Variants in PGK1 observed in about 807,000 individuals in gnomAD.
PGK1 encodes phosphoglycerate kinase 1.
Under a neutral mutation model 26.9 loss-of-function variants are expected in PGK1, and 3 were observed. The ratio of observed to expected loss-of-function variants is 0.11; its 90% CI spans 0.05 to 0.29. The LOEUF (loss-of-function observed/expected upper bound fraction) is 0.29, where lower values mean the gene tolerates loss of function less well. Among genes scored for constraint, PGK1 ranks in the 10% least tolerant of loss-of-function variants. The pLI is 1.00. For missense variants in PGK1, 270 were observed against 314.7 expected (o/e 0.86, Z 1.07); for synonymous variants, 125 against 115.3 (o/e 1.08, Z -0.54).
chrX:78,104,278 C>T lies in PGK1; in HGVS notation c.-63C>T, dbSNP rs781839448. 18 of 861,650 alleles carry T rather than the reference C, an allele frequency of 2.1e-5. No homozygotes were observed. The Admixed American group carries it at 2.7e-4, about 13-fold the overall frequency. The allele number at this position is 861,650 out of a possible 1,213,427, so 71.0% of individuals were successfully genotyped here. A position where few individuals can be genotyped will look rare whatever the true frequency, so the allele number is the denominator to read the frequency against. On this transcript the variant is annotated 5_prime_UTR_variant, in exon 1 of 11. In the 5' UTR this introduces an upstream ATG that the reference lacks. Coordinates refer to ENST00000373316, the MANE Select transcript of PGK1 (RefSeq NM_000291.4). ...GCATTCTGCAAGCCTCCGGAGCGCA[C>T]GTCGGCAGTCGGCTCCCTCGTTGAC... is the stretch of plus-strand genomic sequence containing the variant.
Position 78,124,732 on chromosome X carries a change from G to T in PGK1, c.937-142G>T, listed in dbSNP as rs1177622047. 3 of 531,610 alleles carry T rather than the reference G, an allele frequency of 5.6e-6. No homozygotes were observed. In the African/African-American group the frequency reaches 6.8e-5, roughly 12 times the overall value. The allele number at this position is 531,610 out of a possible 1,213,427, so 43.8% of individuals were successfully genotyped here. ...TAGAATTTTTGAGTATAAAGGGCAT[G>T]AACAGGTTTATAAAGACTGAAGGGT... is the stretch of plus-strand genomic sequence containing the variant. On this transcript the variant is annotated intron_variant, in intron 8 of 10. Transcript: ENST00000373316.
chrX:78,110,700 A>G (rs1557246803), intron 2 of PGK1, among the ~76,000 whole-genome samples: 2 of 110,900 alleles, frequency 1.8e-5, no homozygotes. Flanking sequence ...TAAAAGTACC[A>G]GTAGTTACTA....
rs1569550805 is a variant in PGK1, at chrX:78,114,044, G to T, written c.301G>T (p.Gly101Cys). The change falls in exon 4 of 11, where the codon GGC becomes TGC. Residue 101 changes from glycine to cysteine, a missense_variant. Gly to Cys is a radical substitution (Grantham distance 159). Transcript: ENST00000373316. ...KDVLFLKDCV[G>C]PEVEKACANP... ...TGTTCTGTTCTTGAAGGACTGTGTA[G>T]GCCCAGAAGTGGAGAAAGCCTGTGC... 8.3e-7 allele frequency: 1 copy of T among 1,210,903 alleles called. No individual in the cohort carries two copies. The highest frequency in any genetic ancestry group is 1.1e-6 in the Non-Finnish European group (1 of 894,867).
In PGK1 at chrX:78,126,273, A is replaced by AT. The variant is rs375714288; in HGVS notation, c.*456dup. 1,236 of 121,433 alleles carry AT rather than the reference A, an allele frequency of 0.01. 1 individual carries two copies. Among genetic ancestry groups the AT allele is most frequent in the East Asian group, 0.021 (101 of 4,890 alleles). The allele number at this position is 121,433 out of a possible 1,213,427, so 10.0% of individuals were successfully genotyped here. A position where few individuals can be genotyped will look rare whatever the true frequency, so the allele number is the denominator to read the frequency against. On this transcript the variant is annotated 3_prime_UTR_variant, in exon 11 of 11. Coordinates refer to ENST00000373316, the MANE Select transcript of PGK1 (RefSeq NM_000291.4). Reference sequence around the variant, plus strand: ...AATAAAAGTGTCCATTGAAACCGTGATTTTTTTTTTTTTCCTGTCATACTT... The same window carrying AT: ...AATAAAAGTGTCCATTGAAACCGTGATTTTTTTTTTTTTTCCTGTCATACTT...
At chrX:78,118,677 T>C (rs947923500) in intron 6 of PGK1, among the ~76,000 whole-genome samples, 14 of 111,084 alleles carry the variant, frequency 1.3e-4, no homozygotes, top group Admixed American at 3.8e-4. Context: ...AGTACAGTAA[T>C]TTGGGGCTAC....
chrX:78,123,486 T>C, intron 8 of PGK1, 112 bp downstream of exon 8: 2 of 606,506 alleles, frequency 3.3e-6, no homozygotes, highest in Non-Finnish European at 5.5e-6. Context: ...ATAGGAGATC[T>C]GTCAGAGAGG....
At position 78,104,295 on chromosome X, in the gene PGK1, C is replaced by T; in HGVS notation, c.-46C>T. The T allele has an allele frequency of 9.8e-7, 1 of 1,018,825 alleles. No homozygotes were observed. The allele number at this position is 1,018,825 out of a possible 1,213,427, so 84.0% of individuals were successfully genotyped here. On this transcript the variant is annotated 5_prime_UTR_variant, in exon 1 of 11. Coordinates refer to ENST00000373316, the MANE Select transcript of PGK1 (RefSeq NM_000291.4). The stretch of plus-strand genomic sequence containing the variant: ...GGAGCGCACGTCGGCAGTCGGCTCC[C>T]TCGTTGACCGAATCACCGACCTCTC...
chrX:78,122,516 C>T (rs1557248139), intron 6 of PGK1, among the ~76,000 whole-genome samples: 2 of 106,388 alleles, frequency 1.9e-5, no homozygotes, highest in Non-Finnish European at 3.9e-5. Flanking sequence ...GTCTTCTGAG[C>T]CCTGCTTAAA....
intron 8 of PGK1, among the ~76,000 whole-genome samples, chrX:78,124,612 A>G (rs1245640257): frequency 1.8e-5 from 2 of 112,040 alleles, no homozygotes; most frequent in Admixed American, 9.5e-5. Context: ...GTTGAGAACC[A>G]TTGATCTAGT....
At chrX:78,122,347 C>T (rs2078359183) in intron 6 of PGK1, among the ~76,000 whole-genome samples, 1 of 109,968 alleles carries the variant, frequency 9.1e-6, no homozygotes, top group African/African-American at 3.3e-5. Flanking sequence ...TTCTGAGTGG[C>T]TCTGGGATCC....
intron 8 of PGK1, among the ~76,000 whole-genome samples, chrX:78,123,641 G>T (rs782661407): frequency 2.9e-5 from 3 of 102,550 alleles, no homozygotes; most frequent in Non-Finnish European, 5.9e-5. Context: ...ACAGAGTCTC[G>T]CTGTGTCACC....
intron 1 of PGK1, among the ~76,000 whole-genome samples, chrX:78,105,358 T>C (rs1297515889): frequency 8.9e-6 from 1 of 112,034 alleles, no homozygotes; most frequent in East Asian, 2.8e-4. Context: ...ACTGATGGAC[T>C]TGACTGTTCA....
chrX:78,104,674 C>T (rs782671899), intron 1 of PGK1, among the ~76,000 whole-genome samples: 1 of 111,231 alleles, frequency 9.0e-6, no homozygotes, highest in African/African-American at 3.3e-5. Flanking sequence ...GTCCTTTTTC[C>T]TATTGGTGAA....
chrX:78,122,194 T>C (rs2078358431), intron 6 of PGK1, among the ~76,000 whole-genome samples: 2 of 110,150 alleles, frequency 1.8e-5, no homozygotes, highest in Admixed American at 1.9e-4. Context: ...GGCAACAGAG[T>C]GAGACTTTGT....
At position 78,114,034 on chromosome X, in the gene PGK1, G is replaced by A; in HGVS notation, c.291G>A (p.Lys97=). The A allele has an allele frequency of 8.3e-7, 1 of 1,210,884 alleles. No homozygotes were observed. Among genetic ancestry groups the A allele is most frequent in the Non-Finnish European group, 1.1e-6 (1 of 894,912 alleles). ...TTCTCAGGGATGTTCTGTTCTTGAA[G>A]GACTGTGTAGGCCCAGAAGTGGAGA... is the stretch of plus-strand genomic sequence containing the variant. The part of the protein sequence containing the change: ...SLLGKDVLFL[K]DCVGPEVEKA... Residue 97 remains lysine (K), a synonymous_variant, in exon 4 of 11, where the codon AAG becomes AAA. Transcript: ENST00000373316.
chrX:78,104,704 A>G (rs1310757658), intron 1 of PGK1, among the ~76,000 whole-genome samples: 1 of 111,278 alleles, frequency 9.0e-6, no homozygotes, highest in Admixed American at 9.5e-5. Flanking sequence ...CGTTGCCTCC[A>G]GCTCCCAGTC....
intron 6 of PGK1, among the ~76,000 whole-genome samples, chrX:78,120,358 C>T (rs868995405): frequency 7.3e-5 from 8 of 109,347 alleles, no homozygotes; most frequent in African/African-American, 2.0e-4. Flanking sequence ...CATATATATA[C>T]ACACACACAC....
In PGK1 at chrX:78,122,081, G is replaced by A. The variant is rs181256705; in HGVS notation, c.642-754G>A. Among the ~76,000 whole-genome samples, 92 of 110,744 alleles carry A rather than the reference G, an allele frequency of 8.3e-4. 1 individual carries two copies. The highest frequency in any genetic ancestry group is 3.0e-3 in the African/African-American group (92 of 30,460). Reference sequence around the variant, plus strand: ...AAATTATCCAGGGGTAGTGTTGTACGCCTGTGGTCGCAGCTACTTGAGAGG... The same window carrying A: ...AAATTATCCAGGGGTAGTGTTGTACACCTGTGGTCGCAGCTACTTGAGAGG... On this transcript the variant is annotated intron_variant, in intron 6 of 10. Transcript: ENST00000373316.
At position 78,125,206 on chromosome X, in the gene PGK1, T is replaced by TA. The variant is rs1311139786; in HGVS notation, c.1115-120dup. On this transcript the variant is annotated intron_variant, in intron 9 of 10. Transcript: ENST00000373316. The stretch of plus-strand genomic sequence containing the variant: ...TTTACAGAGGAGCCTCTTGGTAAGA[T>TA]AGAGTTGGGGGTTTATCAGCTACCT... 14 of 716,298 alleles carry TA rather than the reference T, an allele frequency of 2.0e-5. No individual in the cohort carries two copies. The Admixed American group carries it at 2.3e-4, about 12-fold the overall frequency. 59.0% of individuals were successfully genotyped at this position (716,298 alleles called of 1,213,427 possible). A position where few individuals can be genotyped will look rare whatever the true frequency, so the allele number is the denominator to read the frequency against.
Sources: gnomAD v4.1 joint callset for allele counts (sites outside exome capture counted in the v4.1 genomes callset) on GRCh38, gnomAD v4.1.1 for gene constraint, MANE v1.5 for transcripts, NCBI Gene and HGNC (gene_info 2026-07-23, HGNC 2026-07-21) for gene names.